The following DGKH variants were observed in gnomAD, a reference collection of about 807,000 sequenced individuals.
DGKH encodes the protein diacylglycerol kinase eta.
DGKH carries 90 observed loss-of-function variants against 159.3 expected under a neutral mutation model. That is an observed-to-expected ratio of 0.57 (90% CI 0.48 to 0.67). The LOEUF (loss-of-function observed/expected upper bound fraction) is 0.67. Among genes scored for constraint, DGKH ranks in the 30% least tolerant of loss-of-function variants. The pLI, the probability that DGKH is intolerant of heterozygous loss-of-function variation, is 0.00. For missense variants in DGKH, 1,181 were observed against 1,506.1 expected, an observed-to-expected ratio of 0.78 and a Z score of 3.57; for synonymous variants, 536 against 553.8, an observed-to-expected ratio of 0.97 and a Z score of 0.45.
intron 13 of DGKH, among the ~76,000 whole-genome samples, chr13:42,181,209 G>A (rs1400319865): frequency 2.7e-5 from 4 of 148,752 alleles, no homozygotes; most frequent in African/African-American, 7.4e-5. Context: ...CCCGGGAGGC[G>A]GAGCTTGCAG....
chr13:42,090,555 G>T (rs117432300), intron 1 of DGKH, among the ~76,000 whole-genome samples: 11 of 152,108 alleles, frequency 7.2e-5, no homozygotes, highest in Non-Finnish European at 1.5e-4. Flanking sequence ...ACATATAGAC[G>T]AGTGGAATAG....
chr13:42,052,416 G>A (rs1188618254), intron 1 of DGKH, among the ~76,000 whole-genome samples: 2 of 152,122 alleles, frequency 1.3e-5, no homozygotes, highest in Non-Finnish European at 2.9e-5. Context: ...AGCCACTCAG[G>A]TGCTAAACAC....
chr13:42,179,144 T>A (rs1009790195), intron 13 of DGKH, among the ~76,000 whole-genome samples: 3 of 152,134 alleles, frequency 2.0e-5, no homozygotes, highest in African/African-American at 7.2e-5. Context: ...GGAAAAGAAT[T>A]GAATGGCTTA....
At chr13:42,222,092 C>T in intron 29 of DGKH, among the ~76,000 whole-genome samples, 1 of 152,176 alleles carries the variant, frequency 6.6e-6, no homozygotes, top group East Asian at 1.9e-4. Context: ...TGAGGCATTT[C>T]CCTTTTATTC....
chr13:42,197,027 G>T (rs542635559), intron 17 of DGKH, among the ~76,000 whole-genome samples: 3 of 152,108 alleles, frequency 2.0e-5, no homozygotes, highest in South Asian at 2.1e-4. Flanking sequence ...GCTGAGGCAG[G>T]CGGATCACCT....
chr13:42,074,582 T>C (rs563021010), intron 1 of DGKH, among the ~76,000 whole-genome samples: 2 of 152,304 alleles, frequency 1.3e-5, no homozygotes, highest in South Asian at 4.1e-4. Context: ...AGGCTATAAC[T>C]TACCTGTTTA....
rs1308813304 is a variant in DGKH, at chr13:42,235,729, T to C, written c.*6541T>C. 1.3e-5 allele frequency: 2 copies of C among 152,156 alleles called. No homozygotes were observed. The highest frequency in any genetic ancestry group is 6.5e-5 in the Admixed American group (1 of 15,280). 9.4% of individuals were successfully genotyped at this position (152,156 alleles called of 1,614,324 possible). A position where few individuals can be genotyped will look rare whatever the true frequency, so the allele number is the denominator to read the frequency against. ...GTAACATTCCCAGTTTTGTGAGTTA[T>C]ATATTGTATATTGAAGATGACTAGT... On this transcript the variant is annotated 3_prime_UTR_variant, in exon 30 of 30. Coordinates refer to ENST00000337343, the MANE Select transcript of DGKH (RefSeq NM_178009.5).
rs1958406355 is a variant in DGKH at position 42,236,025 on chromosome 13, A to G, written c.*6837A>G. The stretch of plus-strand genomic sequence containing the variant: ...ATTTTTGGCAGACAAAATATTTAAT[A>G]ACAAATATAAAAGCTTTGTATATTT... On this transcript the variant is annotated 3_prime_UTR_variant, in exon 30 of 30. Transcript: ENST00000337343. 1 of 152,190 alleles carries G rather than the reference A, an allele frequency of 6.6e-6. No individual in the cohort carries two copies. Among genetic ancestry groups the G allele is most frequent in the South Asian group, 2.1e-4 (1 of 4,830 alleles). The allele number at this position is 152,190 out of a possible 1,614,324, so 9.4% of individuals were successfully genotyped here.
chr13:42,253,491 T>C (rs1958634891), intron 30 of DGKH, among the ~76,000 whole-genome samples: 2 of 152,212 alleles, frequency 1.3e-5, no homozygotes, highest in East Asian at 3.8e-4. Flanking sequence ...AAGAAATATT[T>C]CTTACGTATA....
At chr13:42,220,342 C>A (rs1017933028) in intron 28 of DGKH, among the ~76,000 whole-genome samples, 1 of 152,152 alleles carries the variant, frequency 6.6e-6, no homozygotes, top group African/African-American at 2.4e-5. Context: ...GTGATACTTG[C>A]ATTCTCAAGC....
chr13:42,159,244 C>CT (rs57531279), intron 5 of DGKH, 22 bp from the exon 6 acceptor site: 7,695 of 215,140 alleles, frequency 0.036, 311 homozygotes, highest in Non-Finnish European at 0.049. Flanking sequence ...AGCAGTTGCT[C>CT]TTTTTTTTTT....
intron 1 of DGKH, chr13:42,066,234 C>A (rs1030777233): frequency 6.6e-6 from 1 of 152,166 alleles, no homozygotes; most frequent in Non-Finnish European, 1.5e-5. Flanking sequence ...ACACCATGTT[C>A]GTAGCAGCGT....
chr13:42,159,300 G>A lies in DGKH; in HGVS notation c.657G>A (p.Val219=). The A allele has an allele frequency of 1.6e-6, 2 of 1,244,188 alleles. No homozygotes were observed. The highest frequency in any genetic ancestry group is 2.4e-5 in the South Asian group (2 of 84,680). The allele number at this position is 1,244,188 out of a possible 1,614,324, so 77.1% of individuals were successfully genotyped here. A position where few individuals can be genotyped will look rare whatever the true frequency, so the allele number is the denominator to read the frequency against. The change falls in exon 6 of 30, where the codon GTG becomes GTA. Residue 219 remains valine, a synonymous_variant. Transcript: ENST00000337343. The part of the protein sequence containing the change: ...CKFKAHKRCA[V]RATNNCKWTT... ...TCAAGGCTCACAAAAGATGTGCAGT[G>A]AGAGCAACAAATAACTGTAAATGGA...
At chr13:42,219,136 G>A in intron 26 of DGKH, 94 bp from the exon 27 acceptor site, 1 of 1,487,134 alleles carries the variant, frequency 6.7e-7, no homozygotes, top group Non-Finnish European at 9.1e-7. Context: ...AATAAGGAGT[G>A]AGGCTGTTCA....
At chr13:42,194,279 A>G (rs1185527497) in intron 16 of DGKH, among the ~76,000 whole-genome samples, 2 of 152,148 alleles carry the variant, frequency 1.3e-5, no homozygotes, top group African/African-American at 4.8e-5. Context: ...AGCAGGGACT[A>G]CAGGTGCATG....
chr13:42,135,509 G>GAA (rs1411259863), intron 3 of DGKH, among the ~76,000 whole-genome samples: 5,007 of 89,460 alleles, frequency 0.056, 266 homozygotes, highest in Middle Eastern at 0.1. Flanking sequence ...AAAAAAAAAA[G>GAA]AGAGAGAGAG....
intron 3 of DGKH, among the ~76,000 whole-genome samples, chr13:42,142,709 G>A (rs955495177): frequency 2.0e-5 from 3 of 152,056 alleles, no homozygotes; most frequent in African/African-American, 4.8e-5. Context: ...TCTGTTATTG[G>A]TGTATAAGAA....
chr13:42,152,484 C>T (rs1245037298), intron 3 of DGKH, among the ~76,000 whole-genome samples: 1 of 149,286 alleles, frequency 6.7e-6, no homozygotes, highest in East Asian at 1.9e-4. Flanking sequence ...CATGTATACA[C>T]ACACATACAC....
intron 1 of DGKH, chr13:42,069,817 T>A: frequency 1.0e-6 from 1 of 1,000,912 alleles, no homozygotes; most frequent in Non-Finnish European, 1.5e-6. Flanking sequence ...ATCTGGGTAC[T>A]GCCAACAAGG....
Sources: gnomAD v4.1 joint callset for allele counts (sites outside exome capture counted in the v4.1 genomes callset) on GRCh38, gnomAD v4.1.1 for gene constraint, MANE v1.5 for transcripts, NCBI Gene and HGNC (gene_info 2026-07-23, HGNC 2026-07-21) for gene names.